Variants in PDZD2 observed in about 807,000 individuals in gnomAD.
PDZD2 encodes PDZ domain containing 2, also known as PDZ domain-containing protein 2.
A neutral mutation model predicts 220.7 loss-of-function variants in PDZD2; 90 were observed. That is an observed-to-expected ratio of 0.41 (90% CI 0.34 to 0.49). The LOEUF is 0.49. Ranked by LOEUF, PDZD2 falls within the 20% of genes least tolerant of loss-of-function variation. The pLI, the probability that PDZD2 is intolerant of heterozygous loss-of-function variation, is 0.28. For missense variants in PDZD2, 3,174 were observed against 3,608.5 expected (o/e 0.88, Z 3.08); for synonymous variants, 1,375 against 1,450.5 (o/e 0.95, Z 1.18).
At chr5:32,058,860 G>A (rs1271902636) in intron 12 of PDZD2, among the ~76,000 whole-genome samples, 2 of 152,098 alleles carry the variant, frequency 1.3e-5, no homozygotes, top group Non-Finnish European at 2.9e-5. Context: ...GAAACATGAT[G>A]GAAGATTAAA....
chr5:31,847,487 T>C, intron 2 of PDZD2: 2 of 618,010 alleles, frequency 3.2e-6, no homozygotes, highest in Admixed American at 2.0e-5. Context: ...GGGGATATGA[T>C]AGTCTGCACA....
At chr5:31,722,060 G>C (rs1229477914) in intron 1 of PDZD2, among the ~76,000 whole-genome samples, 1 of 151,932 alleles carries the variant, frequency 6.6e-6, no homozygotes, top group Non-Finnish European at 1.5e-5. Context: ...TTCTCCCCAG[G>C]TGCACTGCTT....
chr5:32,070,370 T>C (rs1218455729), intron 15 of PDZD2, among the ~76,000 whole-genome samples: 3 of 152,204 alleles, frequency 2.0e-5, no homozygotes, highest in African/African-American at 4.8e-5. Context: ...AATTAATACA[T>C]TTGAAGTGGA....
intron 1 of PDZD2, among the ~76,000 whole-genome samples, chr5:31,782,353 A>C (rs973169891): frequency 6.6e-6 from 1 of 152,176 alleles, no homozygotes; most frequent in Non-Finnish European, 1.5e-5. Context: ...TTGTTTTCAG[A>C]AATTCATTTT....
At chr5:32,060,913 A>G (rs942921435) in intron 13 of PDZD2, 89 bp from the exon 14 acceptor site, 57 of 1,255,078 alleles carry the variant, frequency 4.5e-5, no homozygotes, top group Non-Finnish European at 6.3e-5. Context: ...AAAAGATTTC[A>G]TATTATAAAC....
At position 31,983,592 on chromosome 5, in the gene PDZD2, A is replaced by G. The variant is rs760914683; in HGVS notation, c.914A>G (p.Asn305Ser). The change falls in exon 3 of 25, where the codon AAT becomes AGT. Residue 305 changes from asparagine (N) to serine (S), a missense_variant. Asn to Ser is a conservative substitution (Grantham distance 46). This residue lies in a region of PDZD2 where 632 missense variants were observed against 708.1 expected (regional missense o/e 0.89). Transcript: ENST00000438447. The stretch of plus-strand genomic sequence containing the variant: ...ACAGATGCTCCTCTGACCACAAGCA[A>G]TGACAAACGCCGCTTCTCAAAAGGT... Reference protein sequence around the residue: ...PKTDAPLTTSNDKRRFSKGGK... With the variant: ...PKTDAPLTTSSDKRRFSKGGK... 35 of 1,614,070 alleles carry G rather than the reference A, an allele frequency of 2.2e-5. No homozygotes were observed. The highest frequency in any genetic ancestry group is 8.3e-5 in the Admixed American group (5 of 59,998).
intron 6 of PDZD2, among the ~76,000 whole-genome samples, chr5:32,014,417 T>C (rs1753566467): frequency 6.6e-6 from 1 of 152,072 alleles, no homozygotes; most frequent in Admixed American, 6.6e-5. Context: ...GAATATCAAG[T>C]TTAAGGAGTA....
At chr5:31,757,864 G>C (rs574552054) in intron 1 of PDZD2, among the ~76,000 whole-genome samples, 1 of 152,170 alleles carries the variant, frequency 6.6e-6, no homozygotes, top group Admixed American at 6.5e-5. Context: ...AAAGCCACCC[G>C]CACCAGCTGT....
intron 2 of PDZD2, among the ~76,000 whole-genome samples, chr5:31,980,134 C>T (rs901624838): frequency 2.6e-5 from 4 of 152,216 alleles, no homozygotes; most frequent in Middle Eastern, 3.4e-3. Context: ...GTTGGGCAAC[C>T]GTCACCACTA....
intron 1 of PDZD2, among the ~76,000 whole-genome samples, chr5:31,696,122 G>T (rs146635930): frequency 2.0e-4 from 31 of 152,218 alleles, no homozygotes; most frequent in Admixed American, 7.2e-4. Flanking sequence ...CATTGGTGGT[G>T]ATGGGAATAG....
intron 2 of PDZD2, among the ~76,000 whole-genome samples, chr5:31,898,338 C>T (rs1330368286): frequency 6.6e-6 from 1 of 152,202 alleles, no homozygotes; most frequent in Non-Finnish European, 1.5e-5. Context: ...GGAAGGAGCA[C>T]TGGTAGATTA....
chr5:32,095,006 A>C (rs1022895135), intron 21 of PDZD2, among the ~76,000 whole-genome samples: 1 of 152,242 alleles, frequency 6.6e-6, no homozygotes, highest in Non-Finnish European at 1.5e-5. Flanking sequence ...TGAAAGTCTC[A>C]TTCTGAGACC....
intron 1 of PDZD2, among the ~76,000 whole-genome samples, chr5:31,775,684 T>TGTGTGTGTGTGTGTGA (rs1752602905): frequency 4.6e-5 from 7 of 151,192 alleles, no homozygotes; most frequent in African/African-American, 1.7e-4. Context: ...TGTGTGTGTG[T>TGTGTGTGTGTGTGTGA]GTGTGTGTGT....
At chr5:31,795,407 G>A (rs891620515) in intron 1 of PDZD2, among the ~76,000 whole-genome samples, 1 of 152,180 alleles carries the variant, frequency 6.6e-6, no homozygotes, top group Non-Finnish European at 1.5e-5. Context: ...GCAGCTTCAA[G>A]CGATTCAAAA....
At chr5:32,103,782 G>A (rs1744479411) in intron 24 of PDZD2, 2 of 152,360 alleles carry the variant, frequency 1.3e-5, no homozygotes, top group Admixed American at 1.3e-4. Context: ...GGCAGACGCT[G>A]ACTAAAGCAG....
intron 5 of PDZD2, among the ~76,000 whole-genome samples, chr5:32,007,149 A>C (rs1426877976): frequency 6.6e-6 from 1 of 150,642 alleles, no homozygotes. Flanking sequence ...CAATCTCCTG[A>C]CCTCGTGATC....
At chr5:32,073,727 T>C in intron 17 of PDZD2, 105 bp from the exon 18 acceptor site, 1 of 752,348 alleles carries the variant, frequency 1.3e-6, no homozygotes, top group Admixed American at 2.3e-5. Context: ...TGTCTGGTGT[T>C]AGTGAATGTG....
chr5:32,028,436 A>G (rs895507843), intron 6 of PDZD2, among the ~76,000 whole-genome samples: 1 of 152,188 alleles, frequency 6.6e-6, no homozygotes, highest in African/African-American at 2.4e-5. Flanking sequence ...AATTATTTCT[A>G]GCCACATTGT....
At chr5:31,670,969 C>T (rs1746194172) in intron 1 of PDZD2, among the ~76,000 whole-genome samples, 1 of 152,104 alleles carries the variant, frequency 6.6e-6, no homozygotes, top group Non-Finnish European at 1.5e-5. Flanking sequence ...TCAACTCCCA[C>T]CCTTATTCCT....
Sources: gnomAD v4.1 joint callset for allele counts (sites outside exome capture counted in the v4.1 genomes callset) on GRCh38, gnomAD v4.1.1 for gene constraint, gnomAD v4.1.1 regional missense constraint, MANE v1.5 for transcripts, NCBI Gene and HGNC (gene_info 2026-07-23, HGNC 2026-07-21) for gene names.